Variants in RRP9 observed in about 807,000 individuals in gnomAD.
RRP9 encodes U3 small nucleolar RNA-interacting protein 2.
Under a neutral mutation model 65.5 loss-of-function variants are expected in RRP9, and 35 were observed. The ratio of observed to expected loss-of-function variants is 0.53; its 90% CI spans 0.41 to 0.71. The LOEUF (loss-of-function observed/expected upper bound fraction) is 0.71, where lower values mean the gene tolerates loss of function less well. RRP9 is among the 30% of genes least tolerant of loss of function. The pLI is 0.00. For synonymous variants in RRP9, 254 were observed against 245.0 expected, an observed-to-expected ratio of 1.04 and a Z score of -0.34; for missense variants, 533 against 633.6, an observed-to-expected ratio of 0.84 and a Z score of 1.70.
chr3:51,933,733 C>A lies in RRP9; in HGVS notation c.1309G>T (p.Val437Leu). 1 of 1,614,126 alleles carries A rather than the reference C, an allele frequency of 6.2e-7. No homozygotes were observed. Among genetic ancestry groups the A allele is most frequent in the Non-Finnish European group, 8.5e-7 (1 of 1,180,020 alleles). ...CTGTGCTCCTGCCCTACCCCAGCCA[C>A]CAGGAAGTCCCCAGAGCTGGAGAAC... ...LKFSSSGDFL[V>L]AGVGQEHRLG... Residue 437 changes from valine (V) to leucine (L), a missense_variant, in exon 14 of 15, where the codon GTG becomes TTG. Physicochemically the swap from Val to Leu is conservative, Grantham distance 32 (BLOSUM62 1). Transcript: ENST00000232888.
In RRP9 at chr3:51,937,351, G is replaced by A. The variant is rs1331516437; in HGVS notation, c.391-33C>T. On this transcript the variant is annotated intron_variant, in intron 5 of 14. Coordinates refer to ENST00000232888, the MANE Select transcript of RRP9 (RefSeq NM_004704.5). The surrounding 1 kb of genome is among the most constrained non-coding windows in gnomAD (Gnocchi z 5.0). ...GACAGGGGCCAGGTCACTGTGGCTAGTGGCATAAAGGCACTACCTTCACCA... is the reference window on the plus strand; with the variant it reads ...GACAGGGGCCAGGTCACTGTGGCTAATGGCATAAAGGCACTACCTTCACCA... 2 of 1,613,630 alleles carry A rather than the reference G, an allele frequency of 1.2e-6. No individual in the cohort carries two copies. Among genetic ancestry groups the A allele is most frequent in the Non-Finnish European group, 1.7e-6 (2 of 1,179,898 alleles).
Position 51,935,302 on chromosome 3 carries a change from C to T in RRP9, c.971+40G>A, listed in dbSNP as rs374239955. 7.1e-5 allele frequency: 114 copies of T among 1,614,146 alleles called. No individual in the cohort carries two copies. The African/African-American group carries it at 1.3e-3, about 19-fold the overall frequency. ...GAGGAGCGTGGCCCAAGCCCACCCC[C>T]AGCCCATGTAGCCCCCACTGGCATG... On this transcript the variant is annotated intron_variant, in intron 10 of 14. Coordinates refer to ENST00000232888, the MANE Select transcript of RRP9 (RefSeq NM_004704.5).
At position 51,941,388 on chromosome 3, in the gene RRP9, ATG is replaced by A; in HGVS notation, c.170+19_170+20del. 1 of 1,603,822 alleles carries A rather than the reference ATG, an allele frequency of 6.2e-7. No homozygotes were observed. The highest frequency in any genetic ancestry group is 1.7e-4 in the Middle Eastern group (1 of 6,046). ...ATGGGACTCAGTTTTCCCTCCCACT[ATG>A]TGGAAAAGAATAGCTCACCTCTCGC... On this transcript the variant is annotated intron_variant, in intron 2 of 14. Transcript: ENST00000232888.
chr3:51,934,766 A>C lies in RRP9; in HGVS notation c.1045T>G (p.Leu349Val). 2 of 1,613,600 alleles carry C rather than the reference A, an allele frequency of 1.2e-6. No individual in the cohort carries two copies. The highest frequency in any genetic ancestry group is 1.7e-6 in the Non-Finnish European group (2 of 1,179,898). ...VSGADDGSVA[L>V]WGLSKKRPLA... ...GGTCGCTTCTTGGAGAGACCCCACAAGGCCACAGAGCTATAAACAGGGAGG... is the reference window on the plus strand; with the variant it reads ...GGTCGCTTCTTGGAGAGACCCCACACGGCCACAGAGCTATAAACAGGGAGG... Residue 349 changes from leucine (L) to valine (V), a missense_variant, in exon 12 of 15, where the codon TTG becomes GTG. Transcript: ENST00000232888. The surrounding 1 kb of genome is among the most constrained non-coding windows in gnomAD (Gnocchi z 4.1).
chr3:51,937,622 A>G lies in RRP9; in HGVS notation c.349-36T>C. The G allele has an allele frequency of 6.2e-7, 1 of 1,614,156 alleles. No individual in the cohort carries two copies. Among genetic ancestry groups the G allele is most frequent in the South Asian group, 1.1e-5 (1 of 91,082 alleles). On this transcript the variant is annotated intron_variant, in intron 4 of 14. Transcript: ENST00000232888. The surrounding 1 kb of genome is among the most constrained non-coding windows in gnomAD (Gnocchi z 5.0). ...AAGAGATGGATGAGACCCTGGGAGC[A>G]GATCAGCTCCACCCCCGTCCTCCCC...
chr3:51,940,123 G>A (rs1699503620), intron 2 of RRP9, among the ~76,000 whole-genome samples: 1 of 152,102 alleles, frequency 6.6e-6, no homozygotes, highest in Non-Finnish European at 1.5e-5. Flanking sequence ...AGGCATGGTG[G>A]TGCAGGCCTA....
chr3:51,940,759 C>T (rs1232989175), intron 2 of RRP9, among the ~76,000 whole-genome samples: 1 of 152,128 alleles, frequency 6.6e-6, no homozygotes, highest in Non-Finnish European at 1.5e-5. Flanking sequence ...GCAATCCTCC[C>T]GCCTTGGCCT....
rs4687791 is a variant in RRP9 at position 51,936,691 on chromosome 3, G to C, written c.518-136C>G. On this transcript the variant is annotated intron_variant, in intron 6 of 14. Coordinates refer to ENST00000232888, the MANE Select transcript of RRP9 (RefSeq NM_004704.5). ...GGCCAGAAGACCTGGCTCAGCCACC[G>C]TGAGCCTCCGGACAAGCTGCCTCAG... The C allele has an allele frequency of 4.1e-4, 373 of 903,390 alleles. 2 individuals are homozygous for C. The African/African-American group carries it at 5.0e-3, about 12-fold the overall frequency. The allele number at this position is 903,390 out of a possible 1,614,324, so 56.0% of individuals were successfully genotyped here.
chr3:51,935,217 C>G lies in RRP9; in HGVS notation c.1014G>C (p.Met338Ile), dbSNP rs1238047034. 6.2e-7 allele frequency: 1 copy of G among 1,614,044 alleles called. No individual in the cohort carries two copies. The highest frequency in any genetic ancestry group is 8.5e-7 in the Non-Finnish European group (1 of 1,180,036). ...CTTACCCATCGTCCGCGCCGGACAC[C>G]ATGTGCTCCTCATTGATTAGGTGGA... is the stretch of plus-strand genomic sequence containing the variant. Reference protein sequence around the residue: ...DCIHLINEEHMVSGADDGSVA... With the variant: ...DCIHLINEEHIVSGADDGSVA... The change falls in exon 11 of 15, where the codon ATG (methionine) becomes ATC (isoleucine). Residue 338 changes from methionine to isoleucine, a missense_variant. Met to Ile is a conservative substitution (Grantham distance 10). Coordinates refer to ENST00000232888, the MANE Select transcript of RRP9 (RefSeq NM_004704.5).
rs1006915403 is a variant in RRP9, at chr3:51,933,496, G to T, written c.*10C>A. ...GCCTGGGAAGGACTTAAATAAGGAG[G>T]ATAAGAGTGTCAGGAACCAGCAGCT... On this transcript the variant is annotated 3_prime_UTR_variant, in exon 15 of 15. Coordinates refer to ENST00000232888, the MANE Select transcript of RRP9 (RefSeq NM_004704.5). 6 of 1,609,074 alleles carry T rather than the reference G, an allele frequency of 3.7e-6. No individual in the cohort carries two copies. Among genetic ancestry groups the T allele is most frequent in the South Asian group, 2.2e-5 (2 of 90,944 alleles).
In RRP9 at chr3:51,934,365, C is replaced by T; in HGVS notation, c.1260+107G>A. On this transcript the variant is annotated intron_variant, in intron 13 of 14. Coordinates refer to ENST00000232888, the MANE Select transcript of RRP9 (RefSeq NM_004704.5). The surrounding 1 kb of genome is among the most constrained non-coding windows in gnomAD (Gnocchi z 4.1). ...GGCCCTGTGCTAGGAGCTGGCCCTG[C>T]CCTGAGAAGGTTCCCTTCTGGCAGG... The T allele has an allele frequency of 8.4e-7, 1 of 1,195,902 alleles. No individual in the cohort carries two copies. The highest frequency in any genetic ancestry group is 1.5e-5 in the South Asian group (1 of 66,126). 74.1% of individuals were successfully genotyped at this position (1,195,902 alleles called of 1,614,324 possible). A position where few individuals can be genotyped will look rare whatever the true frequency, so the allele number is the denominator to read the frequency against.
At position 51,934,469 on chromosome 3, in the gene RRP9, C is replaced by T. The variant is rs1699428290; in HGVS notation, c.1260+3G>A. On this transcript the variant is annotated splice_donor_region_variant and intron_variant, in intron 13 of 14. Coordinates refer to ENST00000232888, the MANE Select transcript of RRP9 (RefSeq NM_004704.5). This position sits in a 1 kb window ranked among gnomAD's most constrained non-coding sequence, Gnocchi z 4.1. ...GGCTGAGCATTCAAGCACACTCACT[C>T]ACCAGGGGGATGTCACAGAGAAGGT... 1.9e-6 allele frequency: 3 copies of T among 1,612,406 alleles called. No individual in the cohort carries two copies. The highest frequency in any genetic ancestry group is 2.5e-6 in the Non-Finnish European group (3 of 1,179,080).
rs779498896 is a variant in RRP9 at position 51,941,817 on chromosome 3, G to T, written c.51C>A (p.Ala17=). The change falls in exon 1 of 15, where the codon GCC becomes GCA. Residue 17 remains alanine, a synonymous_variant. Coordinates refer to ENST00000232888, the MANE Select transcript of RRP9 (RefSeq NM_004704.5). ...ARKRGKPASG[A]GAGAGAGKRR... ...GCTTGCCGGCCCCCGCGCCAGCCCCGGCCCCAGAGGCCGGCTTTCCCCGCT... is the reference window on the plus strand; with the variant it reads ...GCTTGCCGGCCCCCGCGCCAGCCCCTGCCCCAGAGGCCGGCTTTCCCCGCT... 22 of 1,580,518 alleles carry T rather than the reference G, an allele frequency of 1.4e-5. No individual in the cohort carries two copies. The highest frequency in any genetic ancestry group is 1.9e-5 in the Non-Finnish European group (22 of 1,171,648).
At chr3:51,936,939 C>T (rs1022365839) in intron 6 of RRP9, among the ~76,000 whole-genome samples, 2 of 152,222 alleles carry the variant, frequency 1.3e-5, no homozygotes, top group Non-Finnish European at 2.9e-5. Context: ...GTCCAACCAC[C>T]TACCTGCAGC....
chr3:51,933,571 C>T lies in RRP9; in HGVS notation c.1363G>A (p.Ala455Thr). 1 of 1,614,100 alleles carries T rather than the reference C, an allele frequency of 6.2e-7. No individual in the cohort carries two copies. The change falls in exon 15 of 15, where the codon GCT (alanine) becomes ACT (threonine). Residue 455 changes from alanine to threonine, a missense_variant. By Grantham distance (58) the Ala-to-Thr change is moderately conservative. Coordinates refer to ENST00000232888, the MANE Select transcript of RRP9 (RefSeq NM_004704.5). ...GGGATGATGCAGACAGAATTCCGAG[C>T]CTCTTTGATTCTCCACCATCGGCCA... ...RLGRWWRIKE[A>T]RNSVCIIPLR...
chr3:51,935,794 G>T, intron 8 of RRP9, 102 bp from the exon 9 acceptor site: 1 of 883,564 alleles, frequency 1.1e-6, no homozygotes, highest in South Asian at 1.4e-5. Flanking sequence ...CATGTGGCAC[G>T]TGCTGTGAGG....
chr3:51,934,924 C>A lies in RRP9; in HGVS notation c.1035-148G>T. 1 of 937,822 alleles carries A rather than the reference C, an allele frequency of 1.1e-6. No homozygotes were observed. The highest frequency in any genetic ancestry group is 1.6e-6 in the Non-Finnish European group (1 of 639,028). 58.1% of individuals were successfully genotyped at this position (937,822 alleles called of 1,614,324 possible). A position where few individuals can be genotyped will look rare whatever the true frequency, so the allele number is the denominator to read the frequency against. On this transcript the variant is annotated intron_variant, in intron 11 of 14. Transcript: ENST00000232888. This position sits in a 1 kb window ranked among gnomAD's most constrained non-coding sequence, Gnocchi z 4.1. ...ATTGCATGCCTGTATCAAAACATCT[C>A]AAGTACCCCACAAATACGTACACCT...
Position 51,937,025 on chromosome 3 carries a change from C to T in RRP9, c.517+167G>A, listed in dbSNP as rs148147643. Among the ~76,000 whole-genome samples, 138 of 152,302 alleles carry T rather than the reference C, an allele frequency of 9.1e-4. 1 individual carries two copies. Among genetic ancestry groups the T allele is most frequent in the African/African-American group, 3.1e-3 (128 of 41,562 alleles). On this transcript the variant is annotated intron_variant, in intron 6 of 14. Coordinates refer to ENST00000232888, the MANE Select transcript of RRP9 (RefSeq NM_004704.5). This position sits in a 1 kb window ranked among gnomAD's most constrained non-coding sequence, Gnocchi z 5.0. The stretch of plus-strand genomic sequence containing the variant: ...ACAGGGAGCTCATAAGCCCCACTGC[C>T]GGGCAGCAGCTTTCACTGTCACCCA...
chr3:51,937,109 C>T lies in RRP9; in HGVS notation c.517+83G>A, dbSNP rs547937270. 7.1e-6 allele frequency: 11 copies of T among 1,543,606 alleles called. No individual in the cohort carries two copies. In the East Asian group the frequency reaches 2.3e-4, roughly 32 times the overall value. On this transcript the variant is annotated intron_variant, in intron 6 of 14. Transcript: ENST00000232888. The surrounding 1 kb of genome is among the most constrained non-coding windows in gnomAD (Gnocchi z 5.0). ...GAGACTTCCCCACTTCAGGGCTCAG[C>T]CTGCCATGACCACTCCCACTCCCCT...
Sources: gnomAD v4.1 joint callset for allele counts (sites outside exome capture counted in the v4.1 genomes callset) on GRCh38, gnomAD v4.1.1 for gene constraint, Gnocchi (gnomAD v3.1) non-coding constraint, MANE v1.5 for transcripts, NCBI Gene and HGNC (gene_info 2026-07-23, HGNC 2026-07-21) for gene names.